Variants in DMD observed in about 807,000 individuals in gnomAD.
The protein encoded by DMD is mutant dystrophin.
Under a neutral mutation model 330.1 loss-of-function variants are expected in DMD, and 63 were observed. That is an observed-to-expected ratio of 0.19 (90% CI 0.16 to 0.24). The LOEUF (loss-of-function observed/expected upper bound fraction) is 0.24. DMD is among the 10% of genes least tolerant of loss of function. The probability of loss-of-function intolerance (pLI) is 1.00; values close to 1 mark genes in which losing one functional copy is unlikely to be tolerated. For synonymous variants in DMD, 1,223 were observed against 959.8 expected (o/e 1.27, Z -5.07); for missense variants, 3,344 against 2,684.1 (o/e 1.25, Z -5.43).
chrX:31,261,378 C>G (rs1417209914), intron 62 of DMD: 3 of 202,367 alleles, frequency 1.5e-5, no homozygotes, highest in Non-Finnish European at 2.7e-5. Flanking sequence ...AGAAAGGACA[C>G]CGACAACTGA....
chrX:32,144,261 T>C (rs1283839339), intron 44 of DMD, among the ~76,000 whole-genome samples: 2 of 111,769 alleles, frequency 1.8e-5, no homozygotes, highest in East Asian at 2.8e-4. Flanking sequence ...TCACATGGGT[T>C]TTAGTAGAAA....
At chrX:32,499,671 T>C (rs1182422102) in intron 19 of DMD, among the ~76,000 whole-genome samples, 1 of 111,442 alleles carries the variant, frequency 9.0e-6, no homozygotes, top group African/African-American at 3.3e-5. Flanking sequence ...AATGCAATAA[T>C]TGCTGGACTC....
intron 1 of DMD, among the ~76,000 whole-genome samples, chrX:33,114,088 C>T (rs748949607): frequency 8.3e-5 from 9 of 108,350 alleles, no homozygotes; most frequent in African/African-American, 1.3e-4. Context: ...TTGTGTAATT[C>T]GAATATATGG....
intron 29 of DMD, chrX:32,412,311 T>C: frequency 1.3e-6 from 1 of 758,053 alleles, no homozygotes; most frequent in Non-Finnish European, 1.8e-6. Flanking sequence ...ACAATCCAAT[T>C]CAAGACAGAT....
chrX:32,555,481 G>A (rs914809429), intron 16 of DMD, among the ~76,000 whole-genome samples: 1 of 111,297 alleles, frequency 9.0e-6, no homozygotes, highest in Non-Finnish European at 1.9e-5. Context: ...TATTCACATA[G>A]GAAGAGAGGA....
chrX:32,145,874 A>G (rs1400310684), intron 44 of DMD, among the ~76,000 whole-genome samples: 4 of 112,056 alleles, frequency 3.6e-5, no homozygotes, highest in African/African-American at 3.2e-5. Flanking sequence ...TTTACTAATT[A>G]CTGTAAACTA....
chrX:31,120,907 CTCTGATATAA>C lies in DMD; in HGVS notation c.*1002_*1011del, dbSNP rs1015179431. On this transcript the variant is annotated 3_prime_UTR_variant, in exon 79 of 79. Coordinates refer to ENST00000357033, the MANE Select transcript of DMD (RefSeq NM_004006.3). ...AATCAACCAACCAACCGATTACTCA[CTCTGATATAA>C]TAAGTCCTGTGTATTCATTCACATG... 2.7e-5 allele frequency: 3 copies of C among 111,103 alleles called. No homozygotes were observed. Among genetic ancestry groups the C allele is most frequent in the African/African-American group, 1.0e-4 (3 of 29,974 alleles). 9.2% of individuals were successfully genotyped at this position (111,103 alleles called of 1,213,427 possible).
At chrX:33,006,614 G>A (rs1404212316) in intron 2 of DMD, among the ~76,000 whole-genome samples, 1 of 111,275 alleles carries the variant, frequency 9.0e-6, no homozygotes, top group Non-Finnish European at 1.9e-5. Flanking sequence ...TACTGCTACT[G>A]GATTTACAAG....
chrX:31,611,133 C>T (rs1177534570), intron 55 of DMD, among the ~76,000 whole-genome samples: 1 of 107,805 alleles, frequency 9.3e-6, no homozygotes, highest in Non-Finnish European at 1.9e-5. Flanking sequence ...AGCAAAACAT[C>T]TGGTCTAGTG....
chrX:32,072,429 GAA>G (rs201020107), intron 44 of DMD, among the ~76,000 whole-genome samples: 3 of 103,436 alleles, frequency 2.9e-5, no homozygotes, highest in African/African-American at 1.0e-4. Context: ...TTCTATTTGG[GAA>G]AAAAAAAAAT....
chrX:32,958,901 T>C (rs1004029973), intron 2 of DMD, among the ~76,000 whole-genome samples: 5 of 110,497 alleles, frequency 4.5e-5, no homozygotes, highest in Admixed American at 9.7e-5. Context: ...ACTTCTTAGA[T>C]ATCATAAATG....
intron 20 of DMD, among the ~76,000 whole-genome samples, chrX:32,489,225 C>A (rs1429500005): frequency 9.0e-6 from 1 of 110,602 alleles, no homozygotes; most frequent in African/African-American, 3.3e-5. Flanking sequence ...GTGCTATGGG[C>A]TGAATTGTGT....
rs370551745 is a variant in DMD at position 31,701,690 on chromosome X, A to G, written c.7661-22104T>C. ...TCCTACACCCCACCTGCGTCCCCTG[A>G]TGGAAACCCTATGTCTTCCTCCTTT... On this transcript the variant is annotated intron_variant, in intron 52 of 78. Transcript: ENST00000357033. Among the ~76,000 whole-genome samples, 4 of 112,271 alleles carry G rather than the reference A, an allele frequency of 3.6e-5. No homozygotes were observed. The East Asian group carries it at 8.4e-4, about 24-fold the overall frequency.
At chrX:32,448,104 C>A (rs935156520) in intron 27 of DMD, among the ~76,000 whole-genome samples, 9 of 110,646 alleles carry the variant, frequency 8.1e-5, no homozygotes, top group African/African-American at 2.9e-4. Flanking sequence ...AAATAAAGAT[C>A]ATTGTCTATA....
rs967898166 is a variant in DMD, at chrX:33,171,842, A to C, written c.31+39440T>G. On this transcript the variant is annotated intron_variant, in intron 1 of 78. Transcript: ENST00000357033. ...TTTATGTAACAGTGCCTTATTATTA[A>C]TATATGGTTGGTGCTGTGCTTTGTA... Among the ~76,000 whole-genome samples the C allele has an allele frequency of 4.5e-5, 5 of 111,042 alleles. No individual in the cohort carries two copies. In the East Asian group the frequency reaches 1.4e-3, roughly 31 times the overall value.
intron 1 of DMD, among the ~76,000 whole-genome samples, chrX:33,049,180 T>C (rs2094426999): frequency 8.9e-6 from 1 of 112,045 alleles, no homozygotes; most frequent in South Asian, 3.7e-4. Context: ...TTCCCAAGGA[T>C]TTGTTTGGTT....
chrX:32,920,818 T>C (rs1247441668), intron 2 of DMD, among the ~76,000 whole-genome samples: 1 of 111,997 alleles, frequency 8.9e-6, no homozygotes, highest in African/African-American at 3.2e-5. Context: ...CCCAATATAA[T>C]AAGTGTTATT....
chrX:32,908,559 A>AT (rs775678108), intron 2 of DMD, among the ~76,000 whole-genome samples: 2 of 112,050 alleles, frequency 1.8e-5, no homozygotes, highest in East Asian at 5.6e-4. Context: ...ATTTAAAATG[A>AT]TTTTAAGTTC....
At chrX:32,597,969 C>T (rs1460995319) in intron 12 of DMD, among the ~76,000 whole-genome samples, 2 of 112,217 alleles carry the variant, frequency 1.8e-5, no homozygotes, top group Non-Finnish European at 3.8e-5. Context: ...GCTGTCCCTA[C>T]TTGCAAAACA....
Sources: allele counts gnomAD v4.1 joint callset (sites outside exome capture counted in the v4.1 genomes callset), GRCh38; gene constraint gnomAD v4.1.1; transcripts MANE v1.5; gene names NCBI Gene and HGNC (gene_info 2026-07-23, HGNC 2026-07-21).